Variants in NDRG1 observed in about 807,000 individuals in gnomAD.
NDRG1 encodes the protein N-myc downstream regulated 1, also known as protein NDRG1.
Under a neutral mutation model 56.9 loss-of-function variants are expected in NDRG1, and 32 were observed. That is an observed-to-expected ratio of 0.56 (90% CI 0.42 to 0.76). NDRG1 has a LOEUF of 0.76. NDRG1 is among the 30% of genes least tolerant of loss of function. NDRG1 has a pLI of 0.00. For synonymous variants in NDRG1, 211 were observed against 204.1 expected (o/e 1.03, Z -0.29); for missense variants, 507 against 545.7 (o/e 0.93, Z 0.71).
intron 15 of NDRG1, chr8:133,241,822 G>A (rs2130666674): frequency 1.6e-6 from 1 of 642,934 alleles, no homozygotes; most frequent in African/African-American, 1.8e-5. Flanking sequence ...AACAAAGGAG[G>A]AAAAATGAGC....
intron 2 of NDRG1, among the ~76,000 whole-genome samples, chr8:133,282,797 A>G (rs968556181): frequency 6.6e-6 from 1 of 152,190 alleles, no homozygotes; most frequent in African/African-American, 2.4e-5. Flanking sequence ...AATGCCTAAG[A>G]TATTTACTAT....
At chr8:133,241,023 A>AT in intron 15 of NDRG1, 1 of 152,264 alleles carries the variant, frequency 6.6e-6, no homozygotes, top group Non-Finnish European at 1.5e-5. Context: ...CAAACCTGCC[A>AT]GCCTCGCCTT....
chr8:133,256,258 T>C (rs918890893), intron 8 of NDRG1: 2 of 161,900 alleles, frequency 1.2e-5, no homozygotes, highest in South Asian at 1.7e-4. Context: ...CACAGCAACG[T>C]AGAATGAAAC....
Position 133,238,796 on chromosome 8 carries a change from G to A in NDRG1, c.*82C>T. The A allele has an allele frequency of 1.4e-6, 2 of 1,440,944 alleles. No individual in the cohort carries two copies. The highest frequency in any genetic ancestry group is 2.6e-5 in the South Asian group (2 of 77,428). The allele number at this position is 1,440,944 out of a possible 1,614,324, so 89.3% of individuals were successfully genotyped here. On this transcript the variant is annotated 3_prime_UTR_variant, in exon 16 of 16. Coordinates refer to ENST00000323851, the MANE Select transcript of NDRG1 (RefSeq NM_006096.4). ...TTAATACCGAGTTAGGCGCAGTATG[G>A]CAGGCAGGGGGCGAAAAGGGGCCGG...
Position 133,239,293 on chromosome 8 carries a change from A to T in NDRG1, c.944-174T>A, listed in dbSNP as rs1855250736. ...TCTCCATGTCCACTCGGAGAGAGAGATGGCAAGGCCCAGATGCGGGAAGGA... is the reference window on the plus strand; with the variant it reads ...TCTCCATGTCCACTCGGAGAGAGAGTTGGCAAGGCCCAGATGCGGGAAGGA... On this transcript the variant is annotated intron_variant, in intron 15 of 15. Coordinates refer to ENST00000323851, the MANE Select transcript of NDRG1 (RefSeq NM_006096.4). 4 of 1,052,610 alleles carry T rather than the reference A, an allele frequency of 3.8e-6. No homozygotes were observed. In the South Asian group the frequency reaches 4.5e-5, roughly 12 times the overall value. The allele number at this position is 1,052,610 out of a possible 1,614,324, so 65.2% of individuals were successfully genotyped here. A position where few individuals can be genotyped will look rare whatever the true frequency, so the allele number is the denominator to read the frequency against.
intron 1 of NDRG1, among the ~76,000 whole-genome samples, chr8:133,296,264 G>T (rs1377103611): frequency 6.6e-6 from 1 of 151,944 alleles, no homozygotes; most frequent in African/African-American, 2.4e-5. Flanking sequence ...GGAGGAAAGC[G>T]GGGGAGGGTG....
chr8:133,258,473 G>C (rs780908028), intron 6 of NDRG1, 47 bp from the exon 7 acceptor site: 1 of 1,575,256 alleles, frequency 6.3e-7, no homozygotes, highest in Non-Finnish European at 8.6e-7. Context: ...CAGAGTGACG[G>C]GAGCCTCCAA....
intron 7 of NDRG1, 122 bp downstream of exon 7, chr8:133,258,244 C>G (rs1351833444): frequency 3.1e-6 from 3 of 972,968 alleles, no homozygotes; most frequent in African/African-American, 3.2e-5. Context: ...CACACACACA[C>G]AACTGTGGAG....
chr8:133,296,390 G>C (rs1015418578), intron 1 of NDRG1: 3 of 435,638 alleles, frequency 6.9e-6, no homozygotes, highest in Non-Finnish European at 9.4e-6. Context: ...CGCCAATCCC[G>C]GGTTCCTCCG....
intron 3 of NDRG1, among the ~76,000 whole-genome samples, chr8:133,275,869 T>G (rs372930674): frequency 3.3e-5 from 5 of 152,178 alleles, no homozygotes; most frequent in South Asian, 4.1e-4. Flanking sequence ...TGGGGCACAT[T>G]TGGCATGCTG....
rs552736948 is a variant in NDRG1, at chr8:133,260,691, C to T, written c.326+1356G>A. Among the ~76,000 whole-genome samples the T allele has an allele frequency of 9.9e-5, 15 of 152,284 alleles. No individual in the cohort carries two copies. The South Asian group carries it at 3.1e-3, about 32-fold the overall frequency. Reference sequence around the variant, plus strand: ...TTTTAATACACTTTTAATTTTTGGTCCTGGCCCCATACGGTTGGCTGTCCC... The same window carrying T: ...TTTTAATACACTTTTAATTTTTGGTTCTGGCCCCATACGGTTGGCTGTCCC... On this transcript the variant is annotated intron_variant, in intron 5 of 15. Coordinates refer to ENST00000323851, the MANE Select transcript of NDRG1 (RefSeq NM_006096.4).
rs377225752 is a variant in NDRG1 at position 133,250,475 on chromosome 8, G to A, written c.663C>T (p.Pro221=). ...YRQHIVNDMN[P]GNLHLFINAY... is the part of the protein sequence containing the mutation. ...CATTGATGAACAGGTGCAGGTTGCC[G>A]GGGTTCATGTCATTCACAATGTGCT... Residue 221 remains proline (P), a synonymous_variant, in exon 10 of 16, where the codon CCC becomes CCT. Coordinates refer to ENST00000323851, the MANE Select transcript of NDRG1 (RefSeq NM_006096.4). 155 of 1,613,900 alleles carry A rather than the reference G, an allele frequency of 9.6e-5. No individual in the cohort carries two copies. Among genetic ancestry groups the A allele is most frequent in the South Asian group, 3.3e-5 (3 of 91,076 alleles).
intron 9 of NDRG1, among the ~76,000 whole-genome samples, chr8:133,254,214 A>G (rs1028117715): frequency 4.6e-5 from 7 of 152,218 alleles, no homozygotes; most frequent in Non-Finnish European, 1.0e-4. Context: ...AAGGGGCACA[A>G]GGAAACTCTT....
intron 3 of NDRG1, among the ~76,000 whole-genome samples, chr8:133,266,115 G>A (rs1856905785): frequency 6.6e-6 from 1 of 152,232 alleles, no homozygotes. Flanking sequence ...GACCCAGCTG[G>A]CTGAGGAAGT....
intron 7 of NDRG1, among the ~76,000 whole-genome samples, chr8:133,257,788 T>C (rs144173263): frequency 2.0e-5 from 3 of 152,184 alleles, no homozygotes; most frequent in African/African-American, 7.2e-5. Flanking sequence ...CATTCCTTTC[T>C]TTTTTTTGTA....
chr8:133,278,910 GAC>G (rs796336510), intron 3 of NDRG1, among the ~76,000 whole-genome samples: 75 of 130,694 alleles, frequency 5.7e-4, no homozygotes, highest in African/African-American at 2.2e-3. Context: ...TTTTTTTTGA[GAC>G]AGAGTTTCAC....
chr8:133,280,086 T>C lies in NDRG1; in HGVS notation c.99+146A>G, dbSNP rs941943834. On this transcript the variant is annotated intron_variant, in intron 3 of 15. Transcript: ENST00000323851. ...TCAGCTTCTGTCTGGGAGCAGCAGC[T>C]GAGGGTGAGGACCTAGCTGAGACCA... 3 of 899,504 alleles carry C rather than the reference T, an allele frequency of 3.3e-6. No individual in the cohort carries two copies. The African/African-American group carries it at 5.0e-5, about 15-fold the overall frequency. 55.7% of individuals were successfully genotyped at this position (899,504 alleles called of 1,614,324 possible).
intron 3 of NDRG1, among the ~76,000 whole-genome samples, chr8:133,268,709 C>A (rs893806140): frequency 6.6e-6 from 1 of 152,124 alleles, no homozygotes; most frequent in Non-Finnish European, 1.5e-5. Flanking sequence ...AACTAGGATT[C>A]GAACTCTCTC....
chr8:133,241,946 A>G, intron 15 of NDRG1, 77 bp downstream of exon 15: 1 of 1,562,596 alleles, frequency 6.4e-7, no homozygotes, highest in Non-Finnish European at 8.8e-7. Context: ...TTGCTCATCC[A>G]AACCTGGCTC....
Sources: allele counts gnomAD v4.1 joint callset (sites outside exome capture counted in the v4.1 genomes callset), GRCh38; gene constraint gnomAD v4.1.1; transcripts MANE v1.5; gene names NCBI Gene and HGNC (gene_info 2026-07-23, HGNC 2026-07-21).